Variants in CDK17 observed in about 807,000 individuals in gnomAD.
The protein encoded by CDK17 is cyclin-dependent kinase 17.
CDK17 carries 24 observed loss-of-function variants against 77.6 expected under a neutral mutation model. The observed-to-expected ratio is 0.31, with a 90% CI of 0.22 to 0.44. CDK17 has a LOEUF of 0.44. CDK17 is among the 20% of genes least tolerant of loss of function. The probability of loss-of-function intolerance (pLI) is 1.00; values close to 1 mark genes in which losing one functional copy is unlikely to be tolerated. For missense variants in CDK17, 429 were observed against 622.5 expected (o/e 0.69, Z 3.31); for synonymous variants, 203 against 210.4 (o/e 0.96, Z 0.30).
intron 1 of CDK17, among the ~76,000 whole-genome samples, chr12:96,391,864 C>G (rs913835767): frequency 2.0e-5 from 3 of 152,160 alleles, no homozygotes; most frequent in Non-Finnish European, 4.4e-5. Context: ...CACACAAATA[C>G]CACCAAAACT....
At chr12:96,357,594 T>C (rs186351995) in intron 1 of CDK17, among the ~76,000 whole-genome samples, 1 of 152,210 alleles carries the variant, frequency 6.6e-6, no homozygotes, top group South Asian at 2.1e-4. Flanking sequence ...TATAGTAGAC[T>C]ACTGATAATT....
intron 1 of CDK17, among the ~76,000 whole-genome samples, chr12:96,362,744 AT>A (rs1170711365): frequency 6.6e-6 from 1 of 152,094 alleles, no homozygotes; most frequent in Non-Finnish European, 1.5e-5. Context: ...ACCACATACA[AT>A]TTTTTTATTT....
At chr12:96,326,806 G>T (rs944838541) in intron 2 of CDK17, among the ~76,000 whole-genome samples, 1 of 152,196 alleles carries the variant, frequency 6.6e-6, no homozygotes, top group African/African-American at 2.4e-5. Flanking sequence ...GTACCTAACC[G>T]TGCGGGCAAC....
Position 96,311,145 on chromosome 12 carries a change from G to A in CDK17, c.450C>T (p.Asp150=). 3 of 1,584,928 alleles carry A rather than the reference G, an allele frequency of 1.9e-6. No homozygotes were observed. Among genetic ancestry groups the A allele is most frequent in the South Asian group, 1.2e-5 (1 of 85,652 alleles). Residue 150 remains aspartate (D), a synonymous_variant, in exon 5 of 17, where the codon GAC becomes GAT. Coordinates refer to ENST00000261211, the MANE Select transcript of CDK17 (RefSeq NM_002595.5). Reference sequence around the variant, plus strand: ...CAAGATATCCATCAGGTATTCTGATGTCTGCAGGCAGTGATAACCGCTTAT... The same window carrying A: ...CAAGATATCCATCAGGTATTCTGATATCTGCAGGCAGTGATAACCGCTTAT... The part of the protein sequence containing the change: ...DLNKRLSLPA[D]IRIPDGYLEK...
At chr12:96,356,203 C>T (rs980432078) in intron 1 of CDK17, among the ~76,000 whole-genome samples, 1 of 152,136 alleles carries the variant, frequency 6.6e-6, no homozygotes, top group African/African-American at 2.4e-5. Flanking sequence ...TGAATGTTTT[C>T]ATAATTATTT....
intron 1 of CDK17, among the ~76,000 whole-genome samples, chr12:96,375,036 T>A (rs1277597046): frequency 6.6e-6 from 1 of 152,226 alleles, no homozygotes; most frequent in Non-Finnish European, 1.5e-5. Flanking sequence ...ATTTCTCTGC[T>A]GCACTTGGTC....
At chr12:96,324,298 C>T (rs1952864390) in intron 2 of CDK17, among the ~76,000 whole-genome samples, 186 bp from the exon 3 acceptor site, 1 of 152,164 alleles carries the variant, frequency 6.6e-6, no homozygotes, top group African/African-American at 2.4e-5. Context: ...TAAGAAAATA[C>T]TTGAATATTT....
At chr12:96,284,962 GT>G (rs1565802609) in intron 13 of CDK17, among the ~76,000 whole-genome samples, 1 of 152,096 alleles carries the variant, frequency 6.6e-6, no homozygotes, top group Non-Finnish European at 1.5e-5. Flanking sequence ...ATAAGGTAAC[GT>G]TTTTTTCCAA....
At chr12:96,307,246 G>T (rs1952587939) in intron 5 of CDK17, among the ~76,000 whole-genome samples, 1 of 152,124 alleles carries the variant, frequency 6.6e-6, no homozygotes, top group Non-Finnish European at 1.5e-5. Context: ...GGTGACCCGA[G>T]ATCATGCCAT....
At chr12:96,358,809 G>A (rs1565834720) in intron 1 of CDK17, among the ~76,000 whole-genome samples, 1 of 151,894 alleles carries the variant, frequency 6.6e-6, no homozygotes. Flanking sequence ...TGGGTGACAA[G>A]AGTTGAGACT....
At position 96,303,258 on chromosome 12, in the gene CDK17, T is replaced by C. The variant is rs947606365; in HGVS notation, c.544-2898A>G. ...GATTCCCACTTTCATGAGTTCACAA[T>C]CTAGCCTGAGTTCCATCCTAGATTA... On this transcript the variant is annotated intron_variant, in intron 5 of 16. Coordinates refer to ENST00000261211, the MANE Select transcript of CDK17 (RefSeq NM_002595.5). 8 of 152,178 alleles carry C rather than the reference T, an allele frequency of 5.3e-5. No homozygotes were observed. In the East Asian group the frequency reaches 9.6e-4, roughly 18 times the overall value. 9.4% of individuals were successfully genotyped at this position (152,178 alleles called of 1,614,324 possible).
intron 1 of CDK17, among the ~76,000 whole-genome samples, chr12:96,370,590 G>A (rs1184342170): frequency 1.3e-5 from 2 of 152,144 alleles, no homozygotes; most frequent in African/African-American, 4.8e-5. Flanking sequence ...GCATCCTGAG[G>A]TAAAAACTAT....
chr12:96,285,020 G>A (rs1952229149), intron 13 of CDK17, among the ~76,000 whole-genome samples: 3 of 152,156 alleles, frequency 2.0e-5, no homozygotes, highest in Non-Finnish European at 1.5e-5. Flanking sequence ...GACATTCTAT[G>A]TAGTTTGCCA....
intron 5 of CDK17, among the ~76,000 whole-genome samples, chr12:96,300,918 C>G (rs1011373807): frequency 7.3e-6 from 1 of 136,624 alleles, no homozygotes; most frequent in Non-Finnish European, 1.6e-5. Flanking sequence ...AGTTAACATT[C>G]TGTCATGAAA....
At chr12:96,335,283 G>A (rs1292144299) in intron 1 of CDK17, 1 of 286,624 alleles carries the variant, frequency 3.5e-6, no homozygotes, top group East Asian at 1.0e-4. Context: ...GTGAGGTAAT[G>A]GAGGAAGACA....
intron 1 of CDK17, among the ~76,000 whole-genome samples, chr12:96,382,137 G>A (rs957459596): frequency 1.3e-5 from 2 of 151,928 alleles, no homozygotes; most frequent in Non-Finnish European, 2.9e-5. Context: ...GTGGGAAAGG[G>A]ATATCGCATG....
rs1342511213 is a variant in CDK17, at chr12:96,400,033, C to CG, written c.-78dup. On this transcript the variant is annotated 5_prime_UTR_variant, in exon 1 of 17. Transcript: ENST00000261211. ...TCCCGAGGCGAGGCGAAGAGAGGCGCGGGGGGAAGCTGCTCCGCGGACGCC... is the reference window on the plus strand; with the variant it reads ...TCCCGAGGCGAGGCGAAGAGAGGCGCGGGGGGGAAGCTGCTCCGCGGACGCC... 5.2e-6 allele frequency: 2 copies of CG among 386,366 alleles called. No homozygotes were observed. The highest frequency in any genetic ancestry group is 3.7e-5 in the East Asian group (1 of 27,100). 23.9% of individuals were successfully genotyped at this position (386,366 alleles called of 1,614,324 possible). A position where few individuals can be genotyped will look rare whatever the true frequency, so the allele number is the denominator to read the frequency against.
intron 13 of CDK17, 104 bp from the exon 14 acceptor site, chr12:96,283,749 C>A: frequency 1.4e-6 from 1 of 720,418 alleles, no homozygotes; most frequent in South Asian, 1.7e-5. Context: ...ATTTAAATGC[C>A]CTAAAATAGT....
intron 5 of CDK17, 34 bp from the exon 6 acceptor site, chr12:96,300,394 C>CT (rs372691382): frequency 0.11 from 103,163 of 908,736 alleles, 216 homozygotes; most frequent in Non-Finnish European, 0.12. Flanking sequence ...GTAGTATTTA[C>CT]TTTTTTTTTT....
Sources: gnomAD v4.1 joint callset for allele counts (sites outside exome capture counted in the v4.1 genomes callset) on GRCh38, gnomAD v4.1.1 for gene constraint, MANE v1.5 for transcripts, NCBI Gene and HGNC (gene_info 2026-07-23, HGNC 2026-07-21) for gene names.